SPAG16: variants seen among roughly 807,000 people sequenced by gnomAD.
The protein encoded by SPAG16 is sperm associated antigen 16, also known as sperm-associated antigen 16 protein.
Under a neutral mutation model 80.4 loss-of-function variants are expected in SPAG16, and 86 were observed. The ratio of observed to expected loss-of-function variants is 1.07; its 90% CI spans 0.90 to 1.28. The LOEUF is 1.28. Among genes scored for constraint, SPAG16 ranks in the 50% most tolerant of loss-of-function variants. The pLI is 0.00. For synonymous variants in SPAG16, 294 were observed against 265.9 expected, an observed-to-expected ratio of 1.11 and a Z score of -1.03; for missense variants, 870 against 765.3, an observed-to-expected ratio of 1.14 and a Z score of -1.61.
chr2:213,978,190 A>T (rs6738701), intron 12 of SPAG16, among the ~76,000 whole-genome samples: 2,596 of 152,094 alleles, frequency 0.017, 76 homozygotes, highest in African/African-American at 0.06. Context: ...TCCTTAACTG[A>T]TAAGTCTCCT....
intron 15 of SPAG16, among the ~76,000 whole-genome samples, chr2:214,231,693 G>T (rs1688716800): frequency 6.6e-6 from 1 of 152,048 alleles, no homozygotes; most frequent in Non-Finnish European, 1.5e-5. Context: ...AAAGAAACTT[G>T]CAGTAAACTG....
intron 15 of SPAG16, among the ~76,000 whole-genome samples, chr2:214,157,681 A>G (rs1329259386): frequency 6.6e-6 from 1 of 152,098 alleles, no homozygotes; most frequent in African/African-American, 2.4e-5. Flanking sequence ...AGACTATCCT[A>G]ATGATGACTC....
chr2:213,381,862 G>A (rs1021079573), intron 9 of SPAG16, among the ~76,000 whole-genome samples: 1 of 152,282 alleles, frequency 6.6e-6, no homozygotes, highest in East Asian at 1.9e-4. Context: ...TGTATCCGCT[G>A]TACCATTTAT....
chr2:214,232,566 C>T (rs1019686413), intron 15 of SPAG16, among the ~76,000 whole-genome samples: 10 of 149,492 alleles, frequency 6.7e-5, no homozygotes, highest in Non-Finnish European at 1.2e-4. Flanking sequence ...AATTACTGCT[C>T]ACCTCTGACT....
chr2:214,015,676 G>C (rs1006889805), intron 13 of SPAG16, among the ~76,000 whole-genome samples: 5 of 152,012 alleles, frequency 3.3e-5, no homozygotes, highest in Admixed American at 3.3e-4. Flanking sequence ...TGGTCATTTT[G>C]GAGGGAGGGA....
At chr2:213,393,206 A>T (rs1014483347) in intron 9 of SPAG16, among the ~76,000 whole-genome samples, 2 of 152,102 alleles carry the variant, frequency 1.3e-5, no homozygotes, top group Admixed American at 1.3e-4. Flanking sequence ...AGTAAAAAAA[A>T]AATGCTGAGG....
intron 10 of SPAG16, among the ~76,000 whole-genome samples, chr2:213,703,864 G>C (rs1197605905): frequency 6.6e-6 from 1 of 152,242 alleles, no homozygotes; most frequent in Non-Finnish European, 1.5e-5. Context: ...CAGTCTGGCA[G>C]ATCCTCCTAC....
chr2:214,022,737 C>T (rs1014446370), intron 13 of SPAG16, among the ~76,000 whole-genome samples: 9 of 151,092 alleles, frequency 6.0e-5, no homozygotes, highest in African/African-American at 2.2e-4. Flanking sequence ...TCTGTCTTAC[C>T]ATGGTGTTTC....
At chr2:213,911,858 A>G (rs533643336) in intron 11 of SPAG16, among the ~76,000 whole-genome samples, 2 of 150,910 alleles carry the variant, frequency 1.3e-5, no homozygotes, top group Non-Finnish European at 3.0e-5. Flanking sequence ...AAAAATACAC[A>G]CACGCACACA....
chr2:213,804,993 T>A (rs1440882617), intron 10 of SPAG16, among the ~76,000 whole-genome samples: 3 of 152,226 alleles, frequency 2.0e-5, no homozygotes, highest in Non-Finnish European at 4.4e-5. Flanking sequence ...ATTGGAAATT[T>A]TAGCTGGCTG....
At chr2:214,152,564 C>T (rs1283282335) in intron 15 of SPAG16, among the ~76,000 whole-genome samples, 2 of 152,094 alleles carry the variant, frequency 1.3e-5, no homozygotes, top group Admixed American at 1.3e-4. Flanking sequence ...GTGGGTCTCT[C>T]CCTGTGTGCG....
At chr2:213,618,174 C>G (rs150178853) in intron 10 of SPAG16, among the ~76,000 whole-genome samples, 2 of 152,246 alleles carry the variant, frequency 1.3e-5, no homozygotes, top group African/African-American at 2.4e-5. Flanking sequence ...ATTGTCTGCC[C>G]TTGGCCTTAA....
At chr2:214,243,558 G>T (rs757982540) in intron 15 of SPAG16, among the ~76,000 whole-genome samples, 1 of 151,624 alleles carries the variant, frequency 6.6e-6, no homozygotes, top group East Asian at 1.9e-4. Flanking sequence ...TCACATAAAA[G>T]GTTATAATGT....
intron 10 of SPAG16, among the ~76,000 whole-genome samples, chr2:213,832,814 G>A (rs568065801): frequency 3.3e-5 from 5 of 152,188 alleles, no homozygotes; most frequent in South Asian, 4.1e-4. Flanking sequence ...AGGCCCTCAC[G>A]TATGTAAATC....
At position 213,340,298 on chromosome 2, in the gene SPAG16, T is replaced by C. The variant is rs377440557; in HGVS notation, c.644+28T>C. ...AAGCTTATACTTGTTGGCATATTTA[T>C]TAAAGAGTTATTTAATACATGTTAA... On this transcript the variant is annotated intron_variant, in intron 6 of 15. Transcript: ENST00000331683. The C allele has an allele frequency of 3.4e-4, 476 of 1,414,940 alleles. 6 individuals carry two copies. The highest frequency in any genetic ancestry group is 2.5e-3 in the Admixed American group (127 of 50,864). 87.6% of individuals were successfully genotyped at this position (1,414,940 alleles called of 1,614,324 possible). A position where few individuals can be genotyped will look rare whatever the true frequency, so the allele number is the denominator to read the frequency against.
chr2:213,586,803 G>A (rs1326103278), intron 10 of SPAG16, among the ~76,000 whole-genome samples: 1 of 152,190 alleles, frequency 6.6e-6, no homozygotes, highest in Non-Finnish European at 1.5e-5. Flanking sequence ...TTCTAGAAGG[G>A]AGAAACATTG....
intron 15 of SPAG16, among the ~76,000 whole-genome samples, chr2:214,178,350 AG>A (rs1228209776): frequency 1.3e-5 from 2 of 151,098 alleles, no homozygotes; most frequent in Non-Finnish European, 3.0e-5. Context: ...AATGAAAGTG[AG>A]GGTAATCAAT....
In SPAG16 at chr2:213,367,091, T is replaced by G. The variant is rs192051975; in HGVS notation, c.832+2946T>G. Among the ~76,000 whole-genome samples the G allele has an allele frequency of 2.3e-4, 35 of 152,296 alleles. No homozygotes were observed. The East Asian group carries it at 6.8e-3, about 29-fold the overall frequency. ...CTGAGAACGATGGTTTCCAGTTTCA[T>G]CCATGTCCCTACAAAGGACATGAAC... On this transcript the variant is annotated intron_variant, in intron 8 of 15. Transcript: ENST00000331683.
intron 14 of SPAG16, among the ~76,000 whole-genome samples, chr2:214,124,665 T>A (rs1306337612): frequency 2.6e-5 from 4 of 151,862 alleles, no homozygotes; most frequent in African/African-American, 9.7e-5. Flanking sequence ...CTTAATTGTA[T>A]GTTGGTGGAT....
Sources: allele counts gnomAD v4.1 joint callset (sites outside exome capture counted in the v4.1 genomes callset), GRCh38; gene constraint gnomAD v4.1.1; transcripts MANE v1.5; gene names NCBI Gene and HGNC (gene_info 2026-07-23, HGNC 2026-07-21).